Variants in RBFOX3 observed in about 807,000 individuals in gnomAD.
The protein encoded by RBFOX3 is RNA binding protein fox-1 homolog 3.
A neutral mutation model predicts 48.7 loss-of-function variants in RBFOX3; 17 were observed. The observed-to-expected ratio is 0.35, with a 90% CI of 0.24 to 0.52. The LOEUF (loss-of-function observed/expected upper bound fraction) is 0.52, where lower values mean the gene tolerates loss of function less well. Ranked by LOEUF, RBFOX3 falls within the 20% of genes least tolerant of loss-of-function variation. The probability of loss-of-function intolerance (pLI) is 0.94; values close to 1 mark genes in which losing one functional copy is unlikely to be tolerated. For missense variants in RBFOX3, 382 were observed against 497.5 expected (o/e 0.77, Z 2.21); for synonymous variants, 212 against 209.5 (o/e 1.01, Z -0.10).
chr17:79,239,866 G>T (rs2062111073), intron 3 of RBFOX3, among the ~76,000 whole-genome samples: 1 of 152,254 alleles, frequency 6.6e-6, no homozygotes, highest in Non-Finnish European at 1.5e-5. Flanking sequence ...TGAAGCATGG[G>T]ATTGGACACT....
At chr17:79,469,297 C>T (rs112051157) in intron 2 of RBFOX3, among the ~76,000 whole-genome samples, 2,188 of 152,292 alleles carry the variant, frequency 0.014, 19 homozygotes, top group Non-Finnish European at 0.023. Context: ...GTATGCTGGG[C>T]GGGCTCAAGT....
At chr17:79,237,903 G>A (rs868657890) in intron 3 of RBFOX3, among the ~76,000 whole-genome samples, 7 of 151,358 alleles carry the variant, frequency 4.6e-5, no homozygotes, top group Non-Finnish European at 7.4e-5. Context: ...TCATCTGAGC[G>A]GCTTGCATCA....
intron 1 of RBFOX3, among the ~76,000 whole-genome samples, chr17:79,512,789 C>T (rs1303608037): frequency 4.8e-5 from 7 of 145,608 alleles, no homozygotes; most frequent in East Asian, 2.0e-4. Flanking sequence ...GTGTTACCAT[C>T]GGGTACGGCC....
chr17:79,515,396 T>A (rs2085107878), intron 1 of RBFOX3, among the ~76,000 whole-genome samples: 1 of 152,090 alleles, frequency 6.6e-6, no homozygotes, highest in Non-Finnish European at 1.5e-5. Context: ...CGGCCATGTG[T>A]CAAGCCACTT....
chr17:79,575,137 A>G (rs1281962883), intron 1 of RBFOX3, among the ~76,000 whole-genome samples: 2 of 152,232 alleles, frequency 1.3e-5, no homozygotes, highest in African/African-American at 4.8e-5. Context: ...CGATTCCAAC[A>G]TGGAGCCTGG....
chr17:79,398,664 G>A (rs975802216), intron 2 of RBFOX3, among the ~76,000 whole-genome samples: 5 of 152,230 alleles, frequency 3.3e-5, no homozygotes, highest in African/African-American at 4.8e-5. Context: ...CGGCTCCCAC[G>A]TAGCAGCAGC....
At chr17:79,494,455 T>G (rs1007209732) in intron 1 of RBFOX3, among the ~76,000 whole-genome samples, 8 of 152,264 alleles carry the variant, frequency 5.3e-5, no homozygotes, top group Non-Finnish European at 1.2e-4. Flanking sequence ...CACCCCCTCT[T>G]GTTCCTCACC....
At chr17:79,298,923 C>T (rs1042938640) in intron 3 of RBFOX3, among the ~76,000 whole-genome samples, 13 of 152,194 alleles carry the variant, frequency 8.5e-5, no homozygotes, top group African/African-American at 3.1e-4. Flanking sequence ...CAGCAGCAAA[C>T]AGACTGTGCT....
chr17:79,647,608 T>C, the RBFOX3 span, among the ~76,000 whole-genome samples: 1 of 152,130 alleles, frequency 6.6e-6, no homozygotes. Flanking sequence ...CCCGGGAGCC[T>C]GGGGCCATCC....
At chr17:79,327,482 C>T (rs968279951) in intron 2 of RBFOX3, among the ~76,000 whole-genome samples, 11 of 152,216 alleles carry the variant, frequency 7.2e-5, no homozygotes, top group Admixed American at 6.5e-4. Context: ...GCAGCGACCA[C>T]GGATGAATGC....
intron 2 of RBFOX3, among the ~76,000 whole-genome samples, chr17:79,402,357 C>T (rs1413219172): frequency 6.6e-6 from 1 of 152,218 alleles, no homozygotes; most frequent in Non-Finnish European, 1.5e-5. Flanking sequence ...TTTCTGACAG[C>T]AGGTGCAAAT....
At chr17:79,177,028 C>T (rs2050709194) in intron 4 of RBFOX3, among the ~76,000 whole-genome samples, 1 of 152,176 alleles carries the variant, frequency 6.6e-6, no homozygotes. Flanking sequence ...CTCCCCTAGT[C>T]CCCACTATGC....
At chr17:79,104,917 C>A (rs2077085447) in intron 6 of RBFOX3, among the ~76,000 whole-genome samples, 1 of 4,204 alleles carries the variant, frequency 2.4e-4, no homozygotes, top group Admixed American at 9.8e-4. Flanking sequence ...GCGTGCGGTG[C>A]TGAGCAACTG....
chr17:79,275,452 T>TCCCCC (rs35312058), intron 3 of RBFOX3, among the ~76,000 whole-genome samples: 18 of 150,918 alleles, frequency 1.2e-4, no homozygotes, highest in African/African-American at 4.1e-4. Flanking sequence ...GGACTAATGG[T>TCCCCC]CCCCCCCCAA....
At chr17:79,663,550 G>A in the RBFOX3 span, among the ~76,000 whole-genome samples, 1 of 152,122 alleles carries the variant, frequency 6.6e-6, no homozygotes, top group African/African-American at 2.4e-5. Flanking sequence ...GACACCTTGT[G>A]CCCCCACATA....
At chr17:79,560,448 G>T in intron 1 of RBFOX3, among the ~76,000 whole-genome samples, 1 of 152,268 alleles carries the variant, frequency 6.6e-6, no homozygotes, top group East Asian at 1.9e-4. Context: ...CTTGACTGTA[G>T]CCTCAGGACC....
intron 1 of RBFOX3, among the ~76,000 whole-genome samples, chr17:79,508,276 AG>A (rs1555779554): frequency 2.0e-5 from 3 of 152,112 alleles, no homozygotes; most frequent in African/African-American, 7.2e-5. Flanking sequence ...CCTCCAGCAC[AG>A]GGGCCTTCCG....
the RBFOX3 span, among the ~76,000 whole-genome samples, chr17:79,641,341 C>T: frequency 3.3e-5 from 5 of 152,104 alleles, no homozygotes; most frequent in Non-Finnish European, 5.9e-5. Context: ...AAACCTTGTA[C>T]ATTGTTGGTA....
At chr17:79,229,499 C>T (rs1460110670) in intron 4 of RBFOX3, among the ~76,000 whole-genome samples, 2 of 134,206 alleles carry the variant, frequency 1.5e-5, no homozygotes, top group Non-Finnish European at 3.0e-5. Flanking sequence ...GCAGAGGTTA[C>T]AGTGAGCTGA....
Sources: gnomAD v4.1 joint callset for allele counts (sites outside exome capture counted in the v4.1 genomes callset) on GRCh38, gnomAD v4.1.1 for gene constraint, MANE v1.5 for transcripts, NCBI Gene and HGNC (gene_info 2026-07-23, HGNC 2026-07-21) for gene names.